NTRK3: variants seen among roughly 807,000 people sequenced by gnomAD.
The protein encoded by NTRK3 is neurotrophic receptor tyrosine kinase 3.
Under a neutral mutation model 91.7 loss-of-function variants are expected in NTRK3, and 24 were observed. The observed-to-expected ratio is 0.26, with a 90% CI of 0.19 to 0.37. The LOEUF (loss-of-function observed/expected upper bound fraction) is 0.37, where lower values mean the gene tolerates loss of function less well. NTRK3 is among the 10% of genes least tolerant of loss of function. The pLI, the probability that NTRK3 is intolerant of heterozygous loss-of-function variation, is 1.00. For synonymous variants in NTRK3, 483 were observed against 404.0 expected, an observed-to-expected ratio of 1.20 and a Z score of -2.34; for missense variants, 880 against 1,068.9, an observed-to-expected ratio of 0.82 and a Z score of 2.46.
chr15:88,229,494 C>G (rs2050982737), intron 3 of NTRK3, among the ~76,000 whole-genome samples: 1 of 152,176 alleles, frequency 6.6e-6, no homozygotes, highest in Non-Finnish European at 1.5e-5. Context: ...GGGACTACAT[C>G]CTCCTCAAGA....
chr15:88,255,099 A>T lies in NTRK3; in HGVS notation c.248+807T>A, dbSNP rs2053876616. On this transcript the variant is annotated intron_variant, in intron 3 of 18. Coordinates refer to ENST00000394480, the Ensembl canonical transcript of NTRK3. This position sits in a 1 kb window ranked among gnomAD's most constrained non-coding sequence, Gnocchi z 4.3. The stretch of plus-strand genomic sequence containing the variant: ...GAATGTTCCAAATGAACCGATCCGC[A>T]CGATCACACAAGAAACCCCTCTCCT... Among the ~76,000 whole-genome samples the T allele has an allele frequency of 6.6e-6, 1 of 152,180 alleles. No individual in the cohort carries two copies. The highest frequency in any genetic ancestry group is 1.5e-5 in the Non-Finnish European group (1 of 68,038).
At chr15:88,103,505 C>T (rs1310794584) in intron 13 of NTRK3, among the ~76,000 whole-genome samples, 1 of 152,160 alleles carries the variant, frequency 6.6e-6, no homozygotes, top group Non-Finnish European at 1.5e-5. Flanking sequence ...TTTTCTGATT[C>T]ACCAGAGTGG....
At chr15:88,052,559 G>C (rs935020128) in intron 13 of NTRK3, among the ~76,000 whole-genome samples, 26 of 152,162 alleles carry the variant, frequency 1.7e-4, no homozygotes, top group Non-Finnish European at 1.2e-4. Flanking sequence ...ATCCAAGAGT[G>C]GAGTCTTCCC....
At chr15:88,039,292 C>A (rs576857374) in intron 13 of NTRK3, among the ~76,000 whole-genome samples, 3 of 152,290 alleles carry the variant, frequency 2.0e-5, no homozygotes, top group Non-Finnish European at 4.4e-5. Flanking sequence ...ATTCTCATAG[C>A]CTTTCTAGTA....
At chr15:88,025,867 G>T (rs765283642) in intron 14 of NTRK3, among the ~76,000 whole-genome samples, 12 of 152,192 alleles carry the variant, frequency 7.9e-5, no homozygotes, top group Non-Finnish European at 1.5e-4. Flanking sequence ...AAAAATAAAT[G>T]AGAATCGCTT....
intron 14 of NTRK3, among the ~76,000 whole-genome samples, chr15:87,964,958 G>T (rs1340060901): frequency 1.3e-5 from 2 of 152,126 alleles, no homozygotes; most frequent in African/African-American, 4.8e-5. Context: ...GTGCAAGTTT[G>T]TGTGTGTGTA....
intron 3 of NTRK3, among the ~76,000 whole-genome samples, chr15:88,184,587 G>A (rs1009987932): frequency 3.9e-5 from 6 of 152,196 alleles, no homozygotes; most frequent in African/African-American, 9.6e-5. Flanking sequence ...TGCTAAAGAC[G>A]TGAAGTTCAA....
chr15:88,002,622 C>G (rs1263003166), intron 14 of NTRK3, among the ~76,000 whole-genome samples: 1 of 150,628 alleles, frequency 6.6e-6, no homozygotes, highest in Admixed American at 6.7e-5. Flanking sequence ...CACTGTAACT[C>G]TCACCTTGAA....
At chr15:88,045,595 A>C (rs998295810) in intron 13 of NTRK3, among the ~76,000 whole-genome samples, 24 of 152,164 alleles carry the variant, frequency 1.6e-4, no homozygotes, top group African/African-American at 5.8e-4. Flanking sequence ...ACAAAACACA[A>C]ACTAGGTGAC....
intron 13 of NTRK3, among the ~76,000 whole-genome samples, chr15:88,053,716 A>C (rs2045436060): frequency 6.6e-6 from 1 of 152,226 alleles, no homozygotes; most frequent in African/African-American, 2.4e-5. Flanking sequence ...ATTTAAATGA[A>C]GAAATATGTG....
At chr15:87,960,586 G>A (rs1394931475) in intron 14 of NTRK3, among the ~76,000 whole-genome samples, 1 of 151,958 alleles carries the variant, frequency 6.6e-6, no homozygotes, top group African/African-American at 2.4e-5. Flanking sequence ...CCAGGTTCAA[G>A]GGATTCTCCT....
At chr15:88,109,046 A>G (rs942215091) in intron 13 of NTRK3, among the ~76,000 whole-genome samples, 4 of 152,208 alleles carry the variant, frequency 2.6e-5, no homozygotes, top group Admixed American at 1.3e-4. Flanking sequence ...GGCAATAACA[A>G]AACAACAACA....
At position 88,106,797 on chromosome 15, in the gene NTRK3, G is replaced by A. The variant is rs547464177; in HGVS notation, c.1396+19474C>T. Among the ~76,000 whole-genome samples the A allele has an allele frequency of 9.2e-5, 14 of 152,168 alleles. No homozygotes were observed. The South Asian group carries it at 2.7e-3, about 29-fold the overall frequency. ...AATACAAAACAATTAGCTGGGCATGGTGGTGGGTGCCTGTAATCCCAGCTA... is the reference window on the plus strand; with the variant it reads ...AATACAAAACAATTAGCTGGGCATGATGGTGGGTGCCTGTAATCCCAGCTA... On this transcript the variant is annotated intron_variant, in intron 13 of 18. Coordinates refer to ENST00000394480, the Ensembl canonical transcript of NTRK3.
chr15:87,996,385 T>G (rs1409492488), intron 14 of NTRK3, among the ~76,000 whole-genome samples: 2 of 152,046 alleles, frequency 1.3e-5, no homozygotes, highest in Non-Finnish European at 2.9e-5. Flanking sequence ...ACGTGATACA[T>G]TAGGGCTGGG....
rs895220335 is a variant in NTRK3 at position 87,945,567 on chromosome 15, C to T, written c.1586-4814G>A. 5.9e-5 allele frequency among the ~76,000 whole-genome samples: 9 copies of T among 152,344 alleles called. No individual in the cohort carries two copies. The East Asian group carries it at 1.7e-3, about 29-fold the overall frequency. ...CAGTGGGCAGGCAGGGGTTATCCCTCATCCTACCTCTGTTCCCCTTGGCTG... is the reference window on the plus strand; with the variant it reads ...CAGTGGGCAGGCAGGGGTTATCCCTTATCCTACCTCTGTTCCCCTTGGCTG... On this transcript the variant is annotated intron_variant, in intron 14 of 18. Transcript: ENST00000394480.
At chr15:87,879,133 A>G (rs976301335) in intron 18 of NTRK3, among the ~76,000 whole-genome samples, 1 of 152,346 alleles carries the variant, frequency 6.6e-6, no homozygotes, top group Non-Finnish European at 1.5e-5. Context: ...GTTTTAAAAA[A>G]TAATTTCTTT....
chr15:87,964,601 C>T (rs1462526077), intron 14 of NTRK3, among the ~76,000 whole-genome samples: 1 of 152,200 alleles, frequency 6.6e-6, no homozygotes, highest in African/African-American at 2.4e-5. Context: ...AGTTTTCAAA[C>T]ATTCATCACC....
Position 88,241,850 on chromosome 15 carries a change from C to T in NTRK3, c.248+14056G>A, listed in dbSNP as rs950936313. ...CTCAGCAAAGCTTGGCCCACCTCCC[C>T]TCTCCAGAGGTCGATTTCCAGGTGC... is the stretch of plus-strand genomic sequence containing the variant. On this transcript the variant is annotated intron_variant, in intron 3 of 18. Transcript: ENST00000394480. The surrounding 1 kb of genome is among the most constrained non-coding windows in gnomAD (Gnocchi z 4.3). Among the ~76,000 whole-genome samples the T allele has an allele frequency of 6.6e-6, 1 of 152,176 alleles. No individual in the cohort carries two copies. The highest frequency in any genetic ancestry group is 1.5e-5 in the Non-Finnish European group (1 of 68,024).
intron 5 of NTRK3, 115 bp downstream of exon 5, chr15:88,183,303 C>G: frequency 9.9e-7 from 1 of 1,009,022 alleles, no homozygotes; most frequent in Non-Finnish European, 1.6e-6. Flanking sequence ...AGTTCAAAAC[C>G]TTGCCCAAGA....
Sources: allele counts gnomAD v4.1 joint callset (sites outside exome capture counted in the v4.1 genomes callset), GRCh38; gene constraint gnomAD v4.1.1; non-coding constraint Gnocchi (gnomAD v3.1); transcripts MANE v1.5; gene names NCBI Gene and HGNC (gene_info 2026-07-23, HGNC 2026-07-21).